TMEM182: variants seen among roughly 807,000 people sequenced by gnomAD.
TMEM182 encodes the protein transmembrane protein 182.
Under a neutral mutation model 26.8 loss-of-function variants are expected in TMEM182, and 20 were observed. That is an observed-to-expected ratio of 0.75 (90% CI 0.53 to 1.09). The LOEUF (loss-of-function observed/expected upper bound fraction) is 1.09. Among genes scored for constraint, TMEM182 ranks in the 50% least tolerant of loss-of-function variants. TMEM182 has a pLI of 0.00. For synonymous variants in TMEM182, 109 were observed against 102.2 expected, an observed-to-expected ratio of 1.07 and a Z score of -0.40; for missense variants, 277 against 275.5, an observed-to-expected ratio of 1.01 and a Z score of -0.04.
intron 4 of TMEM182, among the ~76,000 whole-genome samples, chr2:102,809,466 C>T (rs752122149): frequency 3.3e-5 from 5 of 152,188 alleles, no homozygotes; most frequent in Non-Finnish European, 5.9e-5. Flanking sequence ...TGATTCTATA[C>T]TTAGCACAAA....
At chr2:102,744,604 A>G (rs1018078361) in intron 1 of TMEM182, among the ~76,000 whole-genome samples, 1 of 152,136 alleles carries the variant, frequency 6.6e-6, no homozygotes, top group Non-Finnish European at 1.5e-5. Context: ...TCTTCTGACA[A>G]TAATCTCCCT....
intron 3 of TMEM182, among the ~76,000 whole-genome samples, chr2:102,826,621 T>C (rs1024746628): frequency 6.6e-6 from 1 of 152,200 alleles, no homozygotes. Context: ...ACCATGTTTT[T>C]AGGGCTTCTG....
chr2:102,755,581 G>C (rs1680008768), intron 1 of TMEM182, among the ~76,000 whole-genome samples: 1 of 152,166 alleles, frequency 6.6e-6, no homozygotes, highest in South Asian at 2.1e-4. Context: ...AGTGATATAT[G>C]CTTGATATTA....
upstream of TMEM182, among the ~76,000 whole-genome samples, chr2:102,760,608 T>A (rs780534379): frequency 1.3e-5 from 2 of 152,162 alleles, no homozygotes; most frequent in Non-Finnish European, 2.9e-5. Context: ...TCATGTTTTT[T>A]TTTGTTTGTT....
chr2:102,774,819 C>G (rs985842040), intron 3 of TMEM182, among the ~76,000 whole-genome samples: 18 of 152,162 alleles, frequency 1.2e-4, no homozygotes, highest in Middle Eastern at 3.4e-3. Context: ...ATCTATGTCT[C>G]TATTCCTCTG....
chr2:102,815,937 CT>C lies in TMEM182; in HGVS notation c.*972del. 1 of 981,474 alleles carries C rather than the reference CT, an allele frequency of 1.0e-6. No homozygotes were observed. Among genetic ancestry groups the C allele is most frequent in the Non-Finnish European group, 1.2e-6 (1 of 826,410 alleles). The allele number at this position is 981,474 out of a possible 1,614,324, so 60.8% of individuals were successfully genotyped here. On this transcript the variant is annotated 3_prime_UTR_variant, in exon 5 of 5. Transcript: ENST00000412401. Reference sequence around the variant, plus strand: ...TTTATTAAAGACCATAAAATATTAACTTTCCCCAAGATGTTATGGGTTCCAG... The same window carrying C: ...TTTATTAAAGACCATAAAATATTAACTTCCCCAAGATGTTATGGGTTCCAG...
intron 3 of TMEM182, among the ~76,000 whole-genome samples, chr2:102,779,437 C>T (rs1681064315): frequency 6.6e-6 from 1 of 152,116 alleles, no homozygotes; most frequent in Non-Finnish European, 1.5e-5. Context: ...TTCTTCTGCT[C>T]TTCTGAGATT....
downstream of TMEM182, among the ~76,000 whole-genome samples, chr2:102,818,867 A>G (rs1682843799): frequency 6.6e-6 from 1 of 152,192 alleles, no homozygotes; most frequent in Non-Finnish European, 1.5e-5. Flanking sequence ...CTAAATTAGA[A>G]CGATTTGGAT....
Position 102,817,676 on chromosome 2 carries a change from G to A in TMEM182, c.*2708G>A. The A allele has an allele frequency of 1.0e-6, 1 of 983,520 alleles. No individual in the cohort carries two copies. Among genetic ancestry groups the A allele is most frequent in the Non-Finnish European group, 1.2e-6 (1 of 828,252 alleles). 60.9% of individuals were successfully genotyped at this position (983,520 alleles called of 1,614,324 possible). A position where few individuals can be genotyped will look rare whatever the true frequency, so the allele number is the denominator to read the frequency against. Reference sequence around the variant, plus strand: ...TGGAATTATAAAGGAATATATTGGAGGAAGTGTCAGTGTTGGTAATTATTC... The same window carrying A: ...TGGAATTATAAAGGAATATATTGGAAGAAGTGTCAGTGTTGGTAATTATTC... On this transcript the variant is annotated 3_prime_UTR_variant, in exon 5 of 5. Coordinates refer to ENST00000412401, the MANE Select transcript of TMEM182 (RefSeq NM_144632.5).
downstream of TMEM182, among the ~76,000 whole-genome samples, chr2:102,819,475 T>C (rs372493110): frequency 1.4e-4 from 21 of 152,340 alleles, no homozygotes; most frequent in East Asian, 1.5e-3. Context: ...AACTTGTCTA[T>C]GTGTACCTAT....
intron 1 of TMEM182, among the ~76,000 whole-genome samples, chr2:102,752,796 CCAGAGA>C (rs900731714): frequency 1.3e-5 from 2 of 152,144 alleles, no homozygotes; most frequent in Admixed American, 6.5e-5. Flanking sequence ...GTAACATACC[CCAGAGA>C]CAAAGATAAA....
intron 3 of TMEM182, among the ~76,000 whole-genome samples, chr2:102,828,393 T>C (rs1398114182): frequency 1.3e-5 from 2 of 152,316 alleles, no homozygotes; most frequent in South Asian, 2.1e-4. Flanking sequence ...AGGAAAAATA[T>C]CACTTACTTT....
intron 4 of TMEM182, among the ~76,000 whole-genome samples, chr2:102,810,319 C>A (rs1682508074): frequency 6.6e-6 from 1 of 151,984 alleles, no homozygotes; most frequent in South Asian, 2.1e-4. Context: ...ATTTTTCACT[C>A]TTGTGTTTGT....
intron 3 of TMEM182, chr2:102,834,422 G>A (rs1683205325): frequency 1.0e-6 from 1 of 985,100 alleles, no homozygotes; most frequent in Non-Finnish European, 1.2e-6. Context: ...TCTAGAAGAT[G>A]GGGGGATGGA....
At position 102,817,629 on chromosome 2, in the gene TMEM182, T is replaced by C. The variant is rs1290112002; in HGVS notation, c.*2661T>C. 10 of 974,368 alleles carry C rather than the reference T, an allele frequency of 1.0e-5. No individual in the cohort carries two copies. The highest frequency in any genetic ancestry group is 1.2e-5 in the Non-Finnish European group (10 of 819,948). 60.4% of individuals were successfully genotyped at this position (974,368 alleles called of 1,614,324 possible). ...TTTTTATTACTAATCTATAAATATA[T>C]TTATTAAATTTGAAGATTAAATGGA... On this transcript the variant is annotated 3_prime_UTR_variant, in exon 5 of 5. Transcript: ENST00000412401.
At chr2:102,838,042 C>A (rs1336886041) in intron 3 of TMEM182, among the ~76,000 whole-genome samples, 1 of 152,190 alleles carries the variant, frequency 6.6e-6, no homozygotes, top group East Asian at 1.9e-4. Context: ...CCCAAGGTAA[C>A]CCTACCCCGG....
At chr2:102,820,492 G>A (rs1247065329), downstream of TMEM182, among the ~76,000 whole-genome samples, 3 of 152,172 alleles carry the variant, frequency 2.0e-5, no homozygotes, top group Admixed American at 2.0e-4. Flanking sequence ...AGGGAAAAAT[G>A]CATAACAGAC....
At chr2:102,803,200 A>G (rs2732817) in intron 4 of TMEM182, among the ~76,000 whole-genome samples, 79,052 of 152,024 alleles carry the variant, frequency 0.52, 21,362 homozygotes, top group African/African-American at 0.66. Context: ...GCCCCATTCC[A>G]CGAGCACAGG....
At chr2:102,794,585 G>C (rs1280451331) in intron 3 of TMEM182, among the ~76,000 whole-genome samples, 1 of 152,134 alleles carries the variant, frequency 6.6e-6, no homozygotes, top group East Asian at 1.9e-4. Context: ...TTTAGTTGAA[G>C]GTCTTTTCTT....
Sources: allele counts gnomAD v4.1 joint callset (sites outside exome capture counted in the v4.1 genomes callset), GRCh38; gene constraint gnomAD v4.1.1; transcripts MANE v1.5; gene names NCBI Gene and HGNC (gene_info 2026-07-23, HGNC 2026-07-21).